The following HAPLN3 variants were observed in gnomAD, a reference collection of about 807,000 sequenced individuals.
HAPLN3 encodes the protein hyaluronan and proteoglycan link protein 3.
HAPLN3 carries 28 observed loss-of-function variants against 28.1 expected under a neutral mutation model. The ratio of observed to expected loss-of-function variants is 1.00; its 90% CI spans 0.74 to 1.37. HAPLN3 has a LOEUF of 1.37. Ranked by LOEUF, HAPLN3 falls within the 40% of genes most tolerant of loss-of-function variation. The pLI is 0.00. For synonymous variants in HAPLN3, 211 were observed against 213.1 expected (o/e 0.99, Z 0.09); for missense variants, 513 against 504.6 (o/e 1.02, Z -0.16).
In HAPLN3 at chr15:88,881,236, G is replaced by T; in HGVS notation, c.493+121C>A. On this transcript the variant is annotated intron_variant, in intron 3 of 4. Coordinates refer to ENST00000359595, the MANE Select transcript of HAPLN3 (RefSeq NM_178232.4). The surrounding 1 kb of genome is among the most constrained non-coding windows in gnomAD (Gnocchi z 6.0). ...GGGGTCACAACAGTAGCTTCCATGT[G>T]GGTTGTTTTGAGAATTAAGTACTTT... 7.7e-7 allele frequency: 1 copy of T among 1,292,296 alleles called. No homozygotes were observed. The highest frequency in any genetic ancestry group is 1.1e-6 in the Non-Finnish European group (1 of 947,230). 80.1% of individuals were successfully genotyped at this position (1,292,296 alleles called of 1,614,324 possible).
chr15:88,887,281 C>T lies in HAPLN3; in HGVS notation c.18G>A (p.Leu6=), dbSNP rs750786288. 2 of 1,613,958 alleles carry T rather than the reference C, an allele frequency of 1.2e-6. No homozygotes were observed. Among genetic ancestry groups the T allele is most frequent in the Non-Finnish European group, 1.7e-6 (2 of 1,179,984 alleles). ...AGCCGGGCAGCAGGAGCAACGGGACCAGGAGCAACAGGCCCATCTCCTCAT... is the reference window on the plus strand; with the variant it reads ...AGCCGGGCAGCAGGAGCAACGGGACTAGGAGCAACAGGCCCATCTCCTCAT... The part of the protein sequence containing the change: MGLLL[L]VPLLLLPGSY... The change falls in exon 2 of 5, where the codon CTG becomes CTA. Residue 6 remains leucine (L), a synonymous_variant. Coordinates refer to ENST00000359595, the MANE Select transcript of HAPLN3 (RefSeq NM_178232.4).
At chr15:88,889,203 A>C (rs754886709) in intron 1 of HAPLN3, among the ~76,000 whole-genome samples, 4 of 151,930 alleles carry the variant, frequency 2.6e-5, no homozygotes, top group Admixed American at 2.0e-4. Context: ...TCCTCCATTA[A>C]AGTCTCTTTA....
chr15:88,882,346 A>C (rs1212146234), intron 2 of HAPLN3, among the ~76,000 whole-genome samples: 1 of 152,228 alleles, frequency 6.6e-6, no homozygotes, highest in Non-Finnish European at 1.5e-5. Context: ...CCAATGGAGC[A>C]GGCAACAAGA....
At position 88,879,134 on chromosome 15, in the gene HAPLN3, T is replaced by C; in HGVS notation, c.629A>G (p.Asp210Gly). Reference protein sequence around the residue: ...QLFRAWEEGLDWCNAGWLQDA... With the variant: ...QLFRAWEEGLGWCNAGWLQDA... The stretch of plus-strand genomic sequence containing the variant: ...CTGCAGCCAGCCCGCGTTGCACCAG[T>C]CCAGGCCCTCCTCCCAGGCCCGGAA... Residue 210 changes from aspartate (D) to glycine (G), a missense_variant, in exon 4 of 5, where the codon GAC (aspartate) becomes GGC (glycine). Coordinates refer to ENST00000359595, the MANE Select transcript of HAPLN3 (RefSeq NM_178232.4). This position sits in a 1 kb window ranked among gnomAD's most constrained non-coding sequence, Gnocchi z 5.0. 6.2e-7 allele frequency: 1 copy of C among 1,613,626 alleles called. No individual in the cohort carries two copies. The highest frequency in any genetic ancestry group is 8.5e-7 in the Non-Finnish European group (1 of 1,179,892).
In HAPLN3 at chr15:88,880,573, T is replaced by C; in HGVS notation, c.493+784A>G. 1 of 1,288,682 alleles carries C rather than the reference T, an allele frequency of 7.8e-7. No homozygotes were observed. Among genetic ancestry groups the C allele is most frequent in the Non-Finnish European group, 1.0e-6 (1 of 988,358 alleles). 79.8% of individuals were successfully genotyped at this position (1,288,682 alleles called of 1,614,324 possible). A position where few individuals can be genotyped will look rare whatever the true frequency, so the allele number is the denominator to read the frequency against. On this transcript the variant is annotated intron_variant, in intron 3 of 4. Transcript: ENST00000359595. This position sits in a 1 kb window ranked among gnomAD's most constrained non-coding sequence, Gnocchi z 6.0. ...TTCCTCTATCCCCGAACTGCCTCCCTAACATGTGGGAGAGATGTGAGGACA... is the reference window on the plus strand; with the variant it reads ...TTCCTCTATCCCCGAACTGCCTCCCCAACATGTGGGAGAGATGTGAGGACA...
At chr15:88,885,955 C>T (rs1002872278) in intron 2 of HAPLN3, among the ~76,000 whole-genome samples, 1 of 152,172 alleles carries the variant, frequency 6.6e-6, no homozygotes, top group African/African-American at 2.4e-5. Context: ...CTAGTTTGCT[C>T]ATCTATGAGA....
rs776861189 is a variant in HAPLN3, at chr15:88,879,088, G to A, written c.675C>T (p.Pro225=). Residue 225 remains proline, a synonymous_variant, in exon 4 of 5, where the codon CCC becomes CCT. Transcript: ENST00000359595. The surrounding 1 kb of genome is among the most constrained non-coding windows in gnomAD (Gnocchi z 5.0). ...GWLQDATVQY[P]IMLPRQPCGG... ...CGCAGGGCTGCCGGGGCAACATGATGGGGTACTGCACCGTGGCATCCTGCA... is the reference window on the plus strand; with the variant it reads ...CGCAGGGCTGCCGGGGCAACATGATAGGGTACTGCACCGTGGCATCCTGCA... 10 of 1,610,632 alleles carry A rather than the reference G, an allele frequency of 6.2e-6. No individual in the cohort carries two copies. Among genetic ancestry groups the A allele is most frequent in the African/African-American group, 5.3e-5 (4 of 74,880 alleles).
chr15:88,890,942 A>G (rs1195632564), intron 1 of HAPLN3, among the ~76,000 whole-genome samples: 2 of 151,582 alleles, frequency 1.3e-5, no homozygotes, highest in African/African-American at 2.4e-5. Context: ...CAATGGTGCA[A>G]TCTCGGCTCA....
Position 88,880,670 on chromosome 15 carries a change from C to T in HAPLN3, c.493+687G>A, listed in dbSNP as rs1011008697. ...CAAACAGGGACCCCACATACAAGAT[C>T]CGGCTTGCAGGGTGTGGCTGGTTTG... On this transcript the variant is annotated intron_variant, in intron 3 of 4. Transcript: ENST00000359595. The surrounding 1 kb of genome is among the most constrained non-coding windows in gnomAD (Gnocchi z 6.0). 5.9e-6 allele frequency: 7 copies of T among 1,191,390 alleles called. No homozygotes were observed. Among genetic ancestry groups the T allele is most frequent in the Admixed American group, 2.3e-5 (1 of 42,742 alleles). 73.8% of individuals were successfully genotyped at this position (1,191,390 alleles called of 1,614,324 possible).
intron 2 of HAPLN3, among the ~76,000 whole-genome samples, chr15:88,885,911 G>C (rs905336712): frequency 1.3e-5 from 2 of 152,104 alleles, no homozygotes; most frequent in Non-Finnish European, 2.9e-5. Flanking sequence ...TTTAATAGCT[G>C]TTTGACCTGG....
In HAPLN3 at chr15:88,880,212, G is replaced by A. The variant is rs896895327; in HGVS notation, c.494-943C>T. 1.9e-5 allele frequency: 19 copies of A among 994,026 alleles called. No homozygotes were observed. In the South Asian group the frequency reaches 4.0e-4, roughly 21 times the overall value. 61.6% of individuals were successfully genotyped at this position (994,026 alleles called of 1,614,324 possible). A position where few individuals can be genotyped will look rare whatever the true frequency, so the allele number is the denominator to read the frequency against. ...CCAAATTCCTAGCCCTTGAAGCCCCGGGAATGGGGTGAGGGCTCCCTGTTT... is the reference window on the plus strand; with the variant it reads ...CCAAATTCCTAGCCCTTGAAGCCCCAGGAATGGGGTGAGGGCTCCCTGTTT... On this transcript the variant is annotated intron_variant, in intron 3 of 4. Transcript: ENST00000359595. The surrounding 1 kb of genome is among the most constrained non-coding windows in gnomAD (Gnocchi z 6.0).
Position 88,880,338 on chromosome 15 carries a change from A to G in HAPLN3, c.493+1019T>C. The stretch of plus-strand genomic sequence containing the variant: ...AAGAATGAGGAATGCGGCCCCTCTG[A>G]GCCACCATGTAAGCCATGTGGACAC... On this transcript the variant is annotated intron_variant, in intron 3 of 4. Transcript: ENST00000359595. The surrounding 1 kb of genome is among the most constrained non-coding windows in gnomAD (Gnocchi z 6.0). 9.2e-7 allele frequency: 1 copy of G among 1,087,018 alleles called. No individual in the cohort carries two copies. 67.3% of individuals were successfully genotyped at this position (1,087,018 alleles called of 1,614,324 possible).
intron 1 of HAPLN3, among the ~76,000 whole-genome samples, chr15:88,891,695 T>C (rs1596177895): frequency 1.3e-5 from 2 of 152,358 alleles, no homozygotes; most frequent in East Asian, 3.9e-4. Flanking sequence ...CTAAGTCATA[T>C]GCCCAAGGTC....
At chr15:88,884,941 G>A (rs1194287487) in intron 2 of HAPLN3, among the ~76,000 whole-genome samples, 2 of 152,214 alleles carry the variant, frequency 1.3e-5, no homozygotes. Context: ...GCCACAGGAG[G>A]TACAGTCCTA....
At chr15:88,878,939 C>A (rs1054387002) in intron 4 of HAPLN3, 28 bp downstream of exon 4, 13 of 1,573,992 alleles carry the variant, frequency 8.3e-6, no homozygotes, top group African/African-American at 2.7e-5. Flanking sequence ...ACCAAACCCA[C>A]AGGCCCGCGC....
rs111446206 is a variant in HAPLN3, at chr15:88,890,398, G to C, written c.-47-3053C>G. 2.6e-3 allele frequency among the ~76,000 whole-genome samples: 403 copies of C among 152,338 alleles called. 3 individuals carry two copies. Among genetic ancestry groups the C allele is most frequent in the African/African-American group, 9.2e-3 (381 of 41,578 alleles). On this transcript the variant is annotated intron_variant, in intron 1 of 4. Transcript: ENST00000359595. ...GCACAATGGGGCAACCTGGTACAGA[G>C]TTTGGGAACTGGAAGATCAGAGTTC...
intron 1 of HAPLN3, among the ~76,000 whole-genome samples, chr15:88,889,670 G>C (rs1391304095): frequency 6.6e-6 from 1 of 152,166 alleles, no homozygotes; most frequent in East Asian, 1.9e-4. Flanking sequence ...GCCAGTGATG[G>C]CTTTAAGCAG....
At position 88,880,878 on chromosome 15, in the gene HAPLN3, T is replaced by G. The variant is rs1897677714; in HGVS notation, c.493+479A>C. On this transcript the variant is annotated intron_variant, in intron 3 of 4. Coordinates refer to ENST00000359595, the MANE Select transcript of HAPLN3 (RefSeq NM_178232.4). The surrounding 1 kb of genome is among the most constrained non-coding windows in gnomAD (Gnocchi z 6.0). ...TGCATTCTGGCGTGGCATCATCAGC[T>G]GGGCCTGAGTAGTGTGGGAGCTCCC... is the stretch of plus-strand genomic sequence containing the variant. Among the ~76,000 whole-genome samples, 1 of 152,212 alleles carries G rather than the reference T, an allele frequency of 6.6e-6. No homozygotes were observed. Among genetic ancestry groups the G allele is most frequent in the Non-Finnish European group, 1.5e-5 (1 of 68,028 alleles).
chr15:88,886,550 C>G (rs1897860457), intron 2 of HAPLN3, among the ~76,000 whole-genome samples: 1 of 151,564 alleles, frequency 6.6e-6, no homozygotes, highest in Admixed American at 6.6e-5. Flanking sequence ...TCGGGCCAGG[C>G]ATGGTGGCTT....
Sources: allele counts gnomAD v4.1 joint callset (sites outside exome capture counted in the v4.1 genomes callset), GRCh38; gene constraint gnomAD v4.1.1; non-coding constraint Gnocchi (gnomAD v3.1); transcripts MANE v1.5; gene names NCBI Gene and HGNC (gene_info 2026-07-23, HGNC 2026-07-21).